Variants in RORA observed in about 807,000 individuals in gnomAD.
The protein encoded by RORA is nuclear receptor ROR-alpha.
A neutral mutation model predicts 69.5 loss-of-function variants in RORA; 7 were observed. The observed-to-expected ratio is 0.10, with a 90% CI of 0.06 to 0.19. The LOEUF is 0.19. Among genes scored for constraint, RORA ranks in the 10% least tolerant of loss-of-function variants. RORA has a pLI of 1.00. For synonymous variants in RORA, 261 were observed against 240.8 expected (o/e 1.08, Z -0.78); for missense variants, 457 against 663.0 (o/e 0.69, Z 3.41).
intron 2 of RORA, among the ~76,000 whole-genome samples, chr15:60,555,250 C>G (rs1451575427): frequency 3.3e-5 from 5 of 152,126 alleles, no homozygotes; most frequent in African/African-American, 9.7e-5. Context: ...TACTCTTACC[C>G]TTATTTACTG....
intron 1 of RORA, among the ~76,000 whole-genome samples, chr15:60,857,836 G>C (rs1478750775): frequency 6.6e-6 from 1 of 152,230 alleles, no homozygotes; most frequent in Non-Finnish European, 1.5e-5. Flanking sequence ...CAGGATATTA[G>C]AGCTGGAAGG....
chr15:61,137,334 C>A (rs983676232), intron 1 of RORA, among the ~76,000 whole-genome samples: 1 of 152,204 alleles, frequency 6.6e-6, no homozygotes, highest in Non-Finnish European at 1.5e-5. Flanking sequence ...ATAGCTCTAA[C>A]TTTCATTTTC....
At chr15:60,923,785 CA>C (rs1892121463) in intron 1 of RORA, among the ~76,000 whole-genome samples, 1 of 152,190 alleles carries the variant, frequency 6.6e-6, no homozygotes, top group Non-Finnish European at 1.5e-5. Flanking sequence ...ACAGTGGCAA[CA>C]ACCCCACCCA....
chr15:60,836,610 C>T (rs1433156641), intron 1 of RORA, among the ~76,000 whole-genome samples: 2 of 152,286 alleles, frequency 1.3e-5, no homozygotes, highest in African/African-American at 4.8e-5. Flanking sequence ...TCCACCCACA[C>T]GTTCAGCGGG....
chr15:60,978,895 T>G (rs1416501240), intron 1 of RORA, among the ~76,000 whole-genome samples: 1 of 151,502 alleles, frequency 6.6e-6, no homozygotes, highest in Non-Finnish European at 1.5e-5. Flanking sequence ...AGCACTACAC[T>G]GTATTGGTAA....
At chr15:60,722,491 T>C (rs1195339197) in intron 1 of RORA, among the ~76,000 whole-genome samples, 1 of 152,226 alleles carries the variant, frequency 6.6e-6, no homozygotes, top group African/African-American at 2.4e-5. Context: ...TCTCTGACCT[T>C]CCTCTGGCTC....
intron 2 of RORA, among the ~76,000 whole-genome samples, chr15:60,571,375 A>G (rs1323362604): frequency 6.6e-6 from 1 of 152,156 alleles, no homozygotes; most frequent in African/African-American, 2.4e-5. Flanking sequence ...AGTGCATATG[A>G]GTCCTACTGT....
At chr15:60,839,951 A>G (rs918779998) in intron 1 of RORA, among the ~76,000 whole-genome samples, 3 of 152,184 alleles carry the variant, frequency 2.0e-5, no homozygotes, top group Admixed American at 6.5e-5. Context: ...ATGTAAATAG[A>G]GAAGGCAGAT....
chr15:60,884,892 G>C (rs980086971), intron 1 of RORA, among the ~76,000 whole-genome samples: 1 of 152,224 alleles, frequency 6.6e-6, no homozygotes, highest in Non-Finnish European at 1.5e-5. Context: ...TAGGGACATA[G>C]AGCAAGGATG....
intron 1 of RORA, among the ~76,000 whole-genome samples, chr15:60,709,513 G>T (rs971839343): frequency 1.3e-5 from 2 of 152,084 alleles, no homozygotes; most frequent in African/African-American, 2.4e-5. Context: ...TGAGCCGAGG[G>T]TGAACCAGCA....
In RORA at chr15:61,010,228, T is replaced by C. The variant is rs188243395; in HGVS notation, c.166+218825A>G. Among the ~76,000 whole-genome samples the C allele has an allele frequency of 5.8e-3, 880 of 152,258 alleles. 3 individuals are homozygous for C. The highest frequency in any genetic ancestry group is 8.7e-3 in the Non-Finnish European group (594 of 68,024). Reference sequence around the variant, plus strand: ...AGCTTTTGAGAGGAAACACTTCTATTTGAGAGAATTTGGGACAGGTAATTT... The same window carrying C: ...AGCTTTTGAGAGGAAACACTTCTATCTGAGAGAATTTGGGACAGGTAATTT... On this transcript the variant is annotated intron_variant, in intron 1 of 10. Transcript: ENST00000335670.
At chr15:60,680,082 T>G (rs953450824) in intron 1 of RORA, among the ~76,000 whole-genome samples, 1 of 152,224 alleles carries the variant, frequency 6.6e-6, no homozygotes, top group East Asian at 1.9e-4. Context: ...GGAAGGGAAC[T>G]TCCCCCAGCA....
chr15:60,588,873 G>A (rs2068416526), intron 2 of RORA, among the ~76,000 whole-genome samples: 1 of 152,176 alleles, frequency 6.6e-6, no homozygotes, highest in Non-Finnish European at 1.5e-5. Flanking sequence ...CTCAAGTAAC[G>A]TGATTGAAAT....
intron 1 of RORA, among the ~76,000 whole-genome samples, chr15:61,112,442 C>T (rs527392907): frequency 4.6e-4 from 70 of 152,106 alleles, no homozygotes; most frequent in African/African-American, 1.6e-3. Flanking sequence ...TGAAAAGCCT[C>T]CCCCAGGGGG....
chr15:61,133,440 C>G lies in RORA; in HGVS notation c.166+95613G>C, dbSNP rs74991665. On this transcript the variant is annotated intron_variant, in intron 1 of 10. Coordinates refer to ENST00000335670, the MANE Select transcript of RORA (RefSeq NM_134261.3). ...AACCACCTTATGAAAACAAAACAAA[C>G]GAAACCAAAAATGACCCAAAGTAAA... Among the ~76,000 whole-genome samples the G allele has an allele frequency of 4.5e-3, 691 of 152,164 alleles. 6 individuals carry two copies. The highest frequency in any genetic ancestry group is 0.016 in the African/African-American group (647 of 41,508).
intron 1 of RORA, among the ~76,000 whole-genome samples, chr15:60,755,361 C>T (rs1232808291): frequency 2.0e-5 from 3 of 152,060 alleles, no homozygotes; most frequent in Non-Finnish European, 4.4e-5. Flanking sequence ...ATATGTGCCA[C>T]ATTTTCTTAA....
chr15:61,217,369 T>C (rs17303572), intron 1 of RORA, among the ~76,000 whole-genome samples: 75,020 of 151,832 alleles, frequency 0.49, 21,267 homozygotes, highest in South Asian at 0.64. Flanking sequence ...AACAGGAGTC[T>C]GGGAGCTTCA....
At chr15:61,172,291 T>C (rs2079592174) in intron 1 of RORA, among the ~76,000 whole-genome samples, 1 of 152,222 alleles carries the variant, frequency 6.6e-6, no homozygotes, top group Non-Finnish European at 1.5e-5. Context: ...GCCACCCATA[T>C]AAATACCACG....
chr15:60,801,684 C>T (rs561188048), intron 1 of RORA, among the ~76,000 whole-genome samples: 112 of 152,308 alleles, frequency 7.4e-4, no homozygotes, highest in African/African-American at 2.5e-3. Context: ...GGGAGAGGCA[C>T]GCCACGGTGT....
Sources: allele counts gnomAD v4.1 joint callset (sites outside exome capture counted in the v4.1 genomes callset), GRCh38; gene constraint gnomAD v4.1.1; transcripts MANE v1.5; gene names NCBI Gene and HGNC (gene_info 2026-07-23, HGNC 2026-07-21).